Variants in RAB3GAP1 observed in about 807,000 individuals in gnomAD.
The protein encoded by RAB3GAP1 is rab3 GTPase-activating protein catalytic subunit.
In RAB3GAP1, 86 loss-of-function variants were observed where a neutral mutation model predicts 130.7. The ratio of observed to expected loss-of-function variants is 0.66; its 90% CI spans 0.55 to 0.79. The LOEUF (loss-of-function observed/expected upper bound fraction) is 0.79, where lower values mean the gene tolerates loss of function less well. RAB3GAP1 is among the 30% of genes least tolerant of loss of function. RAB3GAP1 has a pLI of 0.00. For synonymous variants in RAB3GAP1, 367 were observed against 401.7 expected (o/e 0.91, Z 1.03); for missense variants, 1,029 against 1,169.4 (o/e 0.88, Z 1.75).
intron 14 of RAB3GAP1, 84 bp from the exon 15 acceptor site, chr2:135,133,777 A>C (rs1691609305): frequency 8.1e-7 from 1 of 1,228,384 alleles, no homozygotes; most frequent in Non-Finnish European, 1.2e-6. Flanking sequence ...TTTACAATTA[A>C]AATCTCTCCC....
intron 3 of RAB3GAP1, among the ~76,000 whole-genome samples, chr2:135,080,042 G>A (rs991105265): frequency 7.3e-5 from 11 of 151,312 alleles, no homozygotes; most frequent in Non-Finnish European, 1.2e-4. Flanking sequence ...GCGTGAACCC[G>A]GAAGGCGGAG....
intron 24 of RAB3GAP1, among the ~76,000 whole-genome samples, chr2:135,175,806 C>T (rs1692989419): frequency 6.6e-6 from 1 of 152,134 alleles, no homozygotes; most frequent in Non-Finnish European, 1.5e-5. Context: ...CCTAGGTTTT[C>T]AAATTCGAAC....
chr2:135,087,612 CTAGA>C lies in RAB3GAP1; in HGVS notation c.151-3383_151-3380del, dbSNP rs1466147993. Among the ~76,000 whole-genome samples, 6 of 152,068 alleles carry C rather than the reference CTAGA, an allele frequency of 3.9e-5. No homozygotes were observed. The East Asian group carries it at 1.2e-3, about 29-fold the overall frequency. ...TGCTCATCTTTCATTAAGTTTATTC[CTAGA>C]TAATTTCTTTTTTTAATTGTAGTAA... On this transcript the variant is annotated intron_variant, in intron 3 of 23. Coordinates refer to ENST00000264158, the MANE Select transcript of RAB3GAP1 (RefSeq NM_012233.3).
chr2:135,114,597 C>G (rs1690911887), intron 6 of RAB3GAP1, among the ~76,000 whole-genome samples: 1 of 152,214 alleles, frequency 6.6e-6, no homozygotes, highest in African/African-American at 2.4e-5. Flanking sequence ...AGCCTCTGGT[C>G]ACATTTTTTG....
intron 4 of RAB3GAP1, among the ~76,000 whole-genome samples, chr2:135,092,021 A>G (rs1291173700): frequency 6.6e-6 from 1 of 152,252 alleles, no homozygotes; most frequent in Non-Finnish European, 1.5e-5. Context: ...TTGTGTAGGA[A>G]TAGAATTTTG....
chr2:135,167,309 G>A (rs1449351605), intron 23 of RAB3GAP1, among the ~76,000 whole-genome samples: 3 of 151,568 alleles, frequency 2.0e-5, no homozygotes, highest in South Asian at 2.1e-4. Context: ...ACTGGATTTC[G>A]CTTCAGACTT....
At chr2:135,120,136 C>T (rs1308300478) in intron 7 of RAB3GAP1, among the ~76,000 whole-genome samples, 1 of 152,118 alleles carries the variant, frequency 6.6e-6, no homozygotes, top group Non-Finnish European at 1.5e-5. Flanking sequence ...CTTTATAATA[C>T]TTTTACTTAT....
At chr2:135,153,364 AAC>A (rs1692225670) in intron 18 of RAB3GAP1, among the ~76,000 whole-genome samples, 2 of 152,308 alleles carry the variant, frequency 1.3e-5, no homozygotes, top group South Asian at 2.1e-4. Flanking sequence ...TAAGTTATAT[AAC>A]ACATAATGTG....
intron 18 of RAB3GAP1, among the ~76,000 whole-genome samples, chr2:135,153,440 TTC>T (rs1401927239): frequency 1.3e-5 from 2 of 152,360 alleles, no homozygotes; most frequent in South Asian, 2.1e-4. Flanking sequence ...TGAAAATGTT[TTC>T]TTTTTCTATA....
intron 3 of RAB3GAP1, among the ~76,000 whole-genome samples, chr2:135,074,005 A>G (rs897617680): frequency 3.3e-5 from 5 of 152,158 alleles, no homozygotes; most frequent in East Asian, 3.9e-4. Context: ...CATTCCACCT[A>G]TTGGAAAGGA....
At chr2:135,088,323 G>T (rs553387260) in intron 3 of RAB3GAP1, among the ~76,000 whole-genome samples, 1 of 152,012 alleles carries the variant, frequency 6.6e-6, no homozygotes, top group Non-Finnish European at 1.5e-5. Context: ...TGAGACTTTG[G>T]TATACGCAGT....
chr2:135,083,864 T>C (rs992897870), intron 3 of RAB3GAP1, among the ~76,000 whole-genome samples: 16 of 151,550 alleles, frequency 1.1e-4, no homozygotes, highest in Middle Eastern at 3.2e-3. Context: ...TAATGGCTGA[T>C]GATGTTGAAC....
At position 135,130,542 on chromosome 2, in the gene RAB3GAP1, CT is replaced by C; in HGVS notation, c.1067-5del. On this transcript the variant is annotated splice_polypyrimidine_tract_variant and intron_variant, in intron 12 of 23. Transcript: ENST00000264158. The stretch of plus-strand genomic sequence containing the variant: ...GATATAATTTATATTTATTTCTGTT[CT>C]TTTTATAGAAACTGCTGATATAACT... The C allele has an allele frequency of 6.2e-7, 1 of 1,607,848 alleles. No homozygotes were observed. The highest frequency in any genetic ancestry group is 8.5e-7 in the Non-Finnish European group (1 of 1,175,422).
intron 6 of RAB3GAP1, among the ~76,000 whole-genome samples, chr2:135,114,593 T>C (rs1374632201): frequency 5.9e-5 from 9 of 152,272 alleles, no homozygotes; most frequent in Admixed American, 5.9e-4. Context: ...TTCGAGCCTC[T>C]GGTCACATTT....
At chr2:135,086,828 C>T (rs1690000267) in intron 3 of RAB3GAP1, among the ~76,000 whole-genome samples, 1 of 151,842 alleles carries the variant, frequency 6.6e-6, no homozygotes, top group South Asian at 2.1e-4. Flanking sequence ...GTGCACACCA[C>T]CATGCCTAGC....
At chr2:135,085,817 T>G (rs1689957637) in intron 3 of RAB3GAP1, among the ~76,000 whole-genome samples, 1 of 152,226 alleles carries the variant, frequency 6.6e-6, no homozygotes, top group African/African-American at 2.4e-5. Context: ...CAGCGAAGTT[T>G]ACAGAACTCA....
rs988743078 is a variant in RAB3GAP1 at position 135,168,687 on chromosome 2, A to G, written c.2852A>G (p.Tyr951Cys). The part of the protein sequence containing the change: ...LRTTVPRPAP[Y>C]SKALPQRMYS... ...ACCACTGTGCCGCGCCCTGCTCCCT[A>G]CTCCAAAGCTCTGCCTCAGCGGATG... is the stretch of plus-strand genomic sequence containing the variant. Residue 951 changes from tyrosine to cysteine, a missense_variant, in exon 24 of 24, where the codon TAC becomes TGC. Around this residue, in one of 3 missense-constraint regions of RAB3GAP1, gnomAD observed 146 missense variants for 143.7 expected, o/e 1.02. Coordinates refer to ENST00000264158, the MANE Select transcript of RAB3GAP1 (RefSeq NM_012233.3). The G allele has an allele frequency of 4.3e-6, 7 of 1,613,782 alleles. No individual in the cohort carries two copies. Among genetic ancestry groups the G allele is most frequent in the African/African-American group, 1.3e-5 (1 of 74,812 alleles).
At chr2:135,132,592 G>A (rs1463938176) in intron 13 of RAB3GAP1, among the ~76,000 whole-genome samples, 2 of 152,148 alleles carry the variant, frequency 1.3e-5, no homozygotes, top group Non-Finnish European at 2.9e-5. Context: ...GGCCTTGGGT[G>A]AGCATGAAGT....
At chr2:135,072,621 A>G (rs1689510168) in intron 3 of RAB3GAP1, among the ~76,000 whole-genome samples, 1 of 152,170 alleles carries the variant, frequency 6.6e-6, no homozygotes, top group Admixed American at 6.5e-5. Flanking sequence ...ACTTACGTAG[A>G]CCATCTATTA....
Sources: allele counts gnomAD v4.1 joint callset (sites outside exome capture counted in the v4.1 genomes callset), GRCh38; gene constraint gnomAD v4.1.1; regional missense constraint gnomAD v4.1.1; transcripts MANE v1.5; gene names NCBI Gene and HGNC (gene_info 2026-07-23, HGNC 2026-07-21).